Variants in SIRT2 observed in about 807,000 individuals in gnomAD.
The protein encoded by SIRT2 is sirtuin 2.
In SIRT2, 40 loss-of-function variants were observed where a neutral mutation model predicts 57.4. That is an observed-to-expected ratio of 0.70 (90% confidence interval 0.54 to 0.91). SIRT2 has a LOEUF of 0.91. Among genes scored for constraint, SIRT2 ranks in the 40% least tolerant of loss-of-function variants. The probability of loss-of-function intolerance (pLI) is 0.00; values close to 1 mark genes in which losing one functional copy is unlikely to be tolerated. For synonymous variants in SIRT2, 161 were observed against 195.7 expected (o/e 0.82, Z 1.48); for missense variants, 439 against 510.4 (o/e 0.86, Z 1.35).
In SIRT2 at chr19:38,899,464, C is replaced by A. The variant is rs754148657; in HGVS notation, c.16+42G>T. Reference sequence around the variant, plus strand: ...CCGGGGCCTGCAGCATTCAGCCAGGCCCCGGCGCGGCCCGACCCTCCTACC... The same window carrying A: ...CCGGGGCCTGCAGCATTCAGCCAGGACCCGGCGCGGCCCGACCCTCCTACC... On this transcript the variant is annotated intron_variant, in intron 1 of 15. Coordinates refer to ENST00000249396, the MANE Select transcript of SIRT2 (RefSeq NM_012237.4). 3 of 1,610,250 alleles carry A rather than the reference C, an allele frequency of 1.9e-6. No individual in the cohort carries two copies. The South Asian group carries it at 3.3e-5, about 18-fold the overall frequency.
At position 38,892,960 on chromosome 19, in the gene SIRT2, G is replaced by A. The variant is rs569609021; in HGVS notation, c.226+454C>T. Among the ~76,000 whole-genome samples, 5 of 152,290 alleles carry A rather than the reference G, an allele frequency of 3.3e-5. No individual in the cohort carries two copies. The South Asian group carries it at 1.0e-3, about 32-fold the overall frequency. On this transcript the variant is annotated intron_variant, in intron 4 of 15. Coordinates refer to ENST00000249396, the MANE Select transcript of SIRT2 (RefSeq NM_012237.4). ...ATCCTCATTTTATGAAACAGGCCTG[G>A]TCAATCAGAGTGCAGTAATTCACTC... is the stretch of plus-strand genomic sequence containing the variant.
chr19:38,879,703 C>T lies in SIRT2; in HGVS notation c.877-1G>A. On this transcript the variant is annotated splice_acceptor_variant, in intron 13 of 15. Coordinates refer to ENST00000249396, the MANE Select transcript of SIRT2 (RefSeq NM_012237.4). LOFTEE classifies it high-confidence loss of function. ...TAATCATCCCCAGGAAAGGGTCCGA[C>T]TGTCAGGGAGGGGGTGGGTCAGGGG... 1 of 1,564,772 alleles carries T rather than the reference C, an allele frequency of 6.4e-7. No homozygotes were observed. Among genetic ancestry groups the T allele is most frequent in the Non-Finnish European group, 8.7e-7 (1 of 1,154,150 alleles).
At position 38,879,307 on chromosome 19, in the gene SIRT2, C is replaced by T; in HGVS notation, c.1018G>A (p.Glu340Lys). 6.2e-7 allele frequency: 1 copy of T among 1,613,502 alleles called. No homozygotes were observed. Among genetic ancestry groups the T allele is most frequent in the Non-Finnish European group, 8.5e-7 (1 of 1,179,882 alleles). The change falls in exon 16 of 16, where the codon GAG (glutamate) becomes AAG (lysine). Residue 340 changes from glutamate (E) to lysine (K), a missense_variant. Physicochemically the swap from Glu to Lys is moderately conservative, Grantham distance 56 (BLOSUM62 1). Coordinates refer to ENST00000249396, the MANE Select transcript of SIRT2 (RefSeq NM_012237.4). The stretch of plus-strand genomic sequence containing the variant: ...TCCCTCCGGACAAGGTCCTCCAGCT[C>T]CTTCTGCAGGAGCAAAGGTCACAGA... ...ALAELLGWKK[E>K]LEDLVRREHA... is the part of the protein sequence containing the mutation.
rs987882366 is a variant in SIRT2 at position 38,880,736 on chromosome 19, C to T, written c.825G>A (p.Lys275=). 6.2e-7 allele frequency: 1 copy of T among 1,608,070 alleles called. No individual in the cohort carries two copies. ...GCAGGCGAGGGGTGGAGAGGGGTGC[C>T]CTGTGGGGAGGGGGAGCTAAGGGGT... ...QVQPFASLIS[K]APLSTPRLLI... The change falls in exon 13 of 16, where the codon AAG becomes AAA. Residue 275 remains lysine (K), a splice_region_variant and synonymous_variant. Transcript: ENST00000249396. The surrounding 1 kb of genome is among the most constrained non-coding windows in gnomAD (Gnocchi z 4.1).
intron 7 of SIRT2, 65 bp from the exon 8 acceptor site, chr19:38,889,220 C>T: frequency 6.9e-7 from 1 of 1,458,446 alleles, no homozygotes; most frequent in Non-Finnish European, 9.6e-7. Context: ...CTGCCGCATG[C>T]CAGGAACTGT....
At chr19:38,879,950 C>T (rs1364279391) in intron 13 of SIRT2, 13 of 506,916 alleles carry the variant, frequency 2.6e-5, no homozygotes, top group Non-Finnish European at 4.3e-5. Context: ...CTCAACCTCC[C>T]GAGTAGCCTG....
Position 38,890,315 on chromosome 19 carries a change from A to G in SIRT2, c.227-171T>C, listed in dbSNP as rs539268545. Among the ~76,000 whole-genome samples the G allele has an allele frequency of 3.3e-5, 5 of 152,218 alleles. No individual in the cohort carries two copies. In the South Asian group the frequency reaches 8.3e-4, roughly 25 times the overall value. Reference sequence around the variant, plus strand: ...AGACGGGGATGGTGTTAACATCCCCATTTTATAAATGAGAAAACTGGGGCT... The same window carrying G: ...AGACGGGGATGGTGTTAACATCCCCGTTTTATAAATGAGAAAACTGGGGCT... On this transcript the variant is annotated intron_variant, in intron 4 of 15. Transcript: ENST00000249396.
intron 9 of SIRT2, among the ~76,000 whole-genome samples, chr19:38,881,775 C>T (rs544480241): frequency 2.1e-4 from 32 of 151,428 alleles, no homozygotes; most frequent in Non-Finnish European, 4.4e-4. Flanking sequence ...GTAGCCTCAA[C>T]CTCCCAGCTT....
At chr19:38,889,511 G>A in intron 7 of SIRT2, 178 bp downstream of exon 7, 1 of 700,930 alleles carries the variant, frequency 1.4e-6, no homozygotes, top group Non-Finnish European at 2.5e-6. Flanking sequence ...GCAAATCGGA[G>A]GCTCAAGGTC....
Position 38,878,807 on chromosome 19 carries a change from A to T in SIRT2, c.*348T>A, listed in dbSNP as rs1973019653. The T allele has an allele frequency of 4.8e-6, 1 of 210,182 alleles. No individual in the cohort carries two copies. The highest frequency in any genetic ancestry group is 9.4e-6 in the Non-Finnish European group (1 of 106,524). 13.0% of individuals were successfully genotyped at this position (210,182 alleles called of 1,614,324 possible). On this transcript the variant is annotated 3_prime_UTR_variant, in exon 16 of 16. Coordinates refer to ENST00000249396, the MANE Select transcript of SIRT2 (RefSeq NM_012237.4). ...ACAGGCCCCCGGGGGCAGGAGACAG[A>T]GTGGGGGCCCGAAGCTCCCTGTCCT...
chr19:38,879,299 C>T lies in SIRT2; in HGVS notation c.1026G>A (p.Glu342=), dbSNP rs547689552. The T allele has an allele frequency of 2.5e-6, 4 of 1,613,544 alleles. No homozygotes were observed. The African/African-American group carries it at 5.3e-5, about 22-fold the overall frequency. The change falls in exon 16 of 16, where the codon GAG becomes GAA. Residue 342 remains glutamate, a synonymous_variant. Coordinates refer to ENST00000249396, the MANE Select transcript of SIRT2 (RefSeq NM_012237.4). ...AELLGWKKEL[E]DLVRREHASI... ...TGGCGTGCTCCCTCCGGACAAGGTCCTCCAGCTCCTTCTGCAGGAGCAAAG... is the reference window on the plus strand; with the variant it reads ...TGGCGTGCTCCCTCCGGACAAGGTCTTCCAGCTCCTTCTGCAGGAGCAAAG...
At chr19:38,881,202 CAG>C (rs745695246) in intron 10 of SIRT2, 47 bp from the exon 11 acceptor site, 1 of 1,580,768 alleles carries the variant, frequency 6.3e-7, no homozygotes. Flanking sequence ...CATGGGGAGG[CAG>C]AGAGGACAGG....
Position 38,881,479 on chromosome 19 carries a change from GAGA to G in SIRT2, c.641_643del (p.Phe214del), listed in dbSNP as rs1973153405. 6.2e-7 allele frequency: 1 copy of G among 1,613,908 alleles called. No individual in the cohort carries two copies. Among genetic ancestry groups the G allele is most frequent in the Non-Finnish European group, 8.5e-7 (1 of 1,179,902 alleles). ...GTCTTCACACTTGGGCGTCACCTCA[GAGA>G]AGATCTTCTCTGGGTATGGGGAAGG... On this transcript the variant is annotated inframe_deletion, in exon 10 of 16. Transcript: ENST00000249396.
At chr19:38,894,700 G>C (rs750639825) in intron 2 of SIRT2, among the ~76,000 whole-genome samples, 12 of 152,044 alleles carry the variant, frequency 7.9e-5, no homozygotes, top group Non-Finnish European at 1.6e-4. Flanking sequence ...CGAGGCCTCA[G>C]ACACTCTGCC....
intron 1 of SIRT2, 83 bp from the exon 2 acceptor site, chr19:38,898,508 C>A: frequency 1.6e-6 from 1 of 614,774 alleles, no homozygotes; most frequent in South Asian, 3.1e-5. Flanking sequence ...AGTGAGGGGG[C>A]AAGAACACCC....
In SIRT2 at chr19:38,878,574, T is replaced by C. The variant is rs1454020719; in HGVS notation, c.*581A>G. ...GCCAGACCGGATTGTTAGTTGTTTT[T>C]GTTTTTAATTTGTCTCCAATAAGCA... is the stretch of plus-strand genomic sequence containing the variant. On this transcript the variant is annotated 3_prime_UTR_variant, in exon 16 of 16. Coordinates refer to ENST00000249396, the MANE Select transcript of SIRT2 (RefSeq NM_012237.4). The C allele has an allele frequency of 1.3e-5, 2 of 152,318 alleles. No individual in the cohort carries two copies. The highest frequency in any genetic ancestry group is 2.9e-5 in the Non-Finnish European group (2 of 68,098). 9.4% of individuals were successfully genotyped at this position (152,318 alleles called of 1,614,324 possible).
intron 4 of SIRT2, chr19:38,892,009 C>A: frequency 2.3e-6 from 1 of 440,142 alleles, no homozygotes; most frequent in Non-Finnish European, 4.8e-6. Context: ...CAACAAAAGG[C>A]TGCTCAGGAA....
At chr19:38,889,558 AG>A in intron 7 of SIRT2, 130 bp downstream of exon 7, 1 of 1,012,668 alleles carries the variant, frequency 9.9e-7, no homozygotes, top group Non-Finnish European at 1.5e-6. Flanking sequence ...ACTTGAACCG[AG>A]GCAGTCTGGG....
At chr19:38,889,571 C>A in intron 7 of SIRT2, 118 bp downstream of exon 7, 1 of 1,165,992 alleles carries the variant, frequency 8.6e-7, no homozygotes, top group Non-Finnish European at 1.2e-6. Flanking sequence ...CAGTCTGGGC[C>A]CAGCACCCAT....
Sources: gnomAD v4.1 joint callset for allele counts (sites outside exome capture counted in the v4.1 genomes callset) on GRCh38, gnomAD v4.1.1 for gene constraint, Gnocchi (gnomAD v3.1) non-coding constraint, MANE v1.5 for transcripts, NCBI Gene and HGNC (gene_info 2026-07-23, HGNC 2026-07-21) for gene names.